The following FBXO8 variants were observed in gnomAD, a reference collection of about 807,000 sequenced individuals.
The protein encoded by FBXO8 is F-box protein 8.
In FBXO8, 15 loss-of-function variants were observed where a neutral mutation model predicts 33.4. That is an observed-to-expected ratio of 0.45 (90% CI 0.30 to 0.69). FBXO8 has a LOEUF of 0.69. Among genes scored for constraint, FBXO8 ranks in the 30% least tolerant of loss-of-function variants. The probability of loss-of-function intolerance (pLI) is 0.08; values close to 1 mark genes in which losing one functional copy is unlikely to be tolerated. For missense variants in FBXO8, 274 were observed against 380.3 expected (o/e 0.72, Z 2.32); for synonymous variants, 132 against 131.5 (o/e 1.00, Z -0.02).
Position 174,257,387 on chromosome 4 carries a change from A to G in FBXO8, c.456+2312T>C, listed in dbSNP as rs79029085. 3.3e-3 allele frequency among the ~76,000 whole-genome samples: 500 copies of G among 152,294 alleles called. No homozygotes were observed. Among genetic ancestry groups the G allele is most frequent in the African/African-American group, 0.012 (485 of 41,568 alleles). ...ATCCAACTTTTCTGACTCTGTAACAATCTACAACTTAGTACTTACCAGGTT... is the reference window on the plus strand; with the variant it reads ...ATCCAACTTTTCTGACTCTGTAACAGTCTACAACTTAGTACTTACCAGGTT... On this transcript the variant is annotated intron_variant, in intron 3 of 5. Coordinates refer to ENST00000393674, the MANE Select transcript of FBXO8 (RefSeq NM_012180.3). The surrounding 1 kb of genome is among the most constrained non-coding windows in gnomAD (Gnocchi z 4.3).
intron 1 of FBXO8, among the ~76,000 whole-genome samples, chr4:174,279,499 A>G (rs1411536693): frequency 6.6e-6 from 1 of 152,156 alleles, no homozygotes; most frequent in African/African-American, 2.4e-5. Context: ...TTAATAGAAA[A>G]AAATTCTAAA....
chr4:174,269,436 A>G (rs1435797401), intron 1 of FBXO8, among the ~76,000 whole-genome samples: 1 of 152,140 alleles, frequency 6.6e-6, no homozygotes, highest in Non-Finnish European at 1.5e-5. Context: ...CTGTAATCTC[A>G]GCACTTTGGG....
At chr4:174,271,170 T>C (rs985840701) in intron 1 of FBXO8, among the ~76,000 whole-genome samples, 3 of 152,092 alleles carry the variant, frequency 2.0e-5, no homozygotes, top group African/African-American at 4.8e-5. Context: ...TTCATGAACA[T>C]GAGATTTCAA....
At position 174,275,215 on chromosome 4, in the gene FBXO8, G is replaced by A. The variant is rs1023698384; in HGVS notation, c.-9+8195C>T. Among the ~76,000 whole-genome samples the A allele has an allele frequency of 7.2e-5, 11 of 152,186 alleles. No individual in the cohort carries two copies. Among genetic ancestry groups the A allele is most frequent in the African/African-American group, 2.4e-4 (10 of 41,446 alleles). On this transcript the variant is annotated intron_variant, in intron 1 of 5. Coordinates refer to ENST00000393674, the MANE Select transcript of FBXO8 (RefSeq NM_012180.3). The surrounding 1 kb of genome is among the most constrained non-coding windows in gnomAD (Gnocchi z 4.4). ...GTAAGATGGTCAACATCATTAGCCA[G>A]GAGAGAGGTGCGTACGGTTATAAAA... is the stretch of plus-strand genomic sequence containing the variant.
chr4:174,239,819 T>A (rs912958887), intron 4 of FBXO8, among the ~76,000 whole-genome samples: 66 of 150,568 alleles, frequency 4.4e-4, no homozygotes, highest in Non-Finnish European at 3.0e-4. Flanking sequence ...TATATGTGTG[T>A]GTATATCTAA....
At chr4:174,238,128 G>A (rs975301089) in intron 5 of FBXO8, among the ~76,000 whole-genome samples, 41 of 151,890 alleles carry the variant, frequency 2.7e-4, no homozygotes, top group African/African-American at 9.4e-4. Context: ...TAACTCAAAA[G>A]ATTATTAATA....
In FBXO8 at chr4:174,270,327, T is replaced by C. The variant is rs1279266560; in HGVS notation, c.-8-7227A>G. On this transcript the variant is annotated intron_variant, in intron 1 of 5. Transcript: ENST00000393674. This position sits in a 1 kb window ranked among gnomAD's most constrained non-coding sequence, Gnocchi z 4.6. ...ACGTAAATGGAAAGTAACATGATTT[T>C]AGGAAGAGTCCAGCATTATTAAAAA... 6.6e-6 allele frequency among the ~76,000 whole-genome samples: 1 copy of C among 152,190 alleles called. No homozygotes were observed. The highest frequency in any genetic ancestry group is 1.5e-5 in the Non-Finnish European group (1 of 68,028).
rs937093385 is a variant in FBXO8, at chr4:174,254,362, A to T, written c.456+5337T>A. On this transcript the variant is annotated intron_variant, in intron 3 of 5. Transcript: ENST00000393674. This position sits in a 1 kb window ranked among gnomAD's most constrained non-coding sequence, Gnocchi z 4.2. The stretch of plus-strand genomic sequence containing the variant: ...CACTTTCAGTAGAAAGATAAAGCCA[A>T]ATTTCTAGATGTATAGAACTAAGGA... Among the ~76,000 whole-genome samples the T allele has an allele frequency of 2.6e-5, 4 of 152,198 alleles. No individual in the cohort carries two copies. Among genetic ancestry groups the T allele is most frequent in the Non-Finnish European group, 5.9e-5 (4 of 68,036 alleles).
chr4:174,241,284 C>T lies in FBXO8; in HGVS notation c.457-66G>A, dbSNP rs1054528013. On this transcript the variant is annotated intron_variant, in intron 3 of 5. Transcript: ENST00000393674. The surrounding 1 kb of genome is among the most constrained non-coding windows in gnomAD (Gnocchi z 4.2). ...TTATTTATGCATTTTAACAATTAAG[C>T]AATAGCACAACAGTAGCTATAAATT... 7.9e-6 allele frequency: 7 copies of T among 886,108 alleles called. No homozygotes were observed. Among genetic ancestry groups the T allele is most frequent in the Non-Finnish European group, 3.6e-6 (2 of 554,650 alleles). The allele number at this position is 886,108 out of a possible 1,614,324, so 54.9% of individuals were successfully genotyped here.
In FBXO8 at chr4:174,241,190, A is replaced by G. The variant is rs1736026409; in HGVS notation, c.485T>C (p.Ile162Thr). 1 of 1,609,312 alleles carries G rather than the reference A, an allele frequency of 6.2e-7. No homozygotes were observed. Among genetic ancestry groups the G allele is most frequent in the Admixed American group, 1.7e-5 (1 of 59,732 alleles). ...EGVNYFMSKG[I>T]LDDSPKEIAK... ...TATTTCCTTTGGCGAATCATCCAGG[A>G]TACCCTTGGACATAAAGTAGTTCAC... The change falls in exon 4 of 6, where the codon ATC becomes ACC. Residue 162 changes from isoleucine (I) to threonine (T), a missense_variant. Around this residue, in one of 2 missense-constraint regions of FBXO8, gnomAD observed 186 missense variants for 293.4 expected, o/e 0.63. Coordinates refer to ENST00000393674, the MANE Select transcript of FBXO8 (RefSeq NM_012180.3). The surrounding 1 kb of genome is among the most constrained non-coding windows in gnomAD (Gnocchi z 4.2).
chr4:174,239,192 T>A lies in FBXO8; in HGVS notation c.576-2A>T, dbSNP rs1393792882. 2.6e-6 allele frequency: 4 copies of A among 1,510,418 alleles called. No individual in the cohort carries two copies. Among genetic ancestry groups the A allele is most frequent in the Admixed American group, 4.4e-5 (2 of 45,668 alleles). 93.6% of individuals were successfully genotyped at this position (1,510,418 alleles called of 1,614,324 possible). On this transcript the variant is annotated splice_acceptor_variant, in intron 4 of 5. Coordinates refer to ENST00000393674, the MANE Select transcript of FBXO8 (RefSeq NM_012180.3). LOFTEE classifies it high-confidence loss of function. ...ACAAGGTCATCCAAGACATCTCTCC[T>A]ACAGAAAGAAAAAAAGGCACAGCTT...
Position 174,255,287 on chromosome 4 carries a change from T to C in FBXO8, c.456+4412A>G, listed in dbSNP as rs1483251629. 6.6e-6 allele frequency among the ~76,000 whole-genome samples: 1 copy of C among 152,174 alleles called. No individual in the cohort carries two copies. The highest frequency in any genetic ancestry group is 1.5e-5 in the Non-Finnish European group (1 of 68,014). The stretch of plus-strand genomic sequence containing the variant: ...AGTAATGGTAATGACGATTTTGTTG[T>C]TGAATACTGGAGCAAAAAGTCATTA... On this transcript the variant is annotated intron_variant, in intron 3 of 5. Coordinates refer to ENST00000393674, the MANE Select transcript of FBXO8 (RefSeq NM_012180.3). This position sits in a 1 kb window ranked among gnomAD's most constrained non-coding sequence, Gnocchi z 4.3.
At chr4:174,282,353 G>A (rs1382004512) in intron 1 of FBXO8, among the ~76,000 whole-genome samples, 1 of 152,136 alleles carries the variant, frequency 6.6e-6, no homozygotes, top group African/African-American at 2.4e-5. Context: ...AATTCCTGAT[G>A]TACAGAAACT....
rs1338442796 is a variant in FBXO8 at position 174,270,227 on chromosome 4, T to C, written c.-8-7127A>G. Among the ~76,000 whole-genome samples, 1 of 152,214 alleles carries C rather than the reference T, an allele frequency of 6.6e-6. No individual in the cohort carries two copies. The highest frequency in any genetic ancestry group is 1.5e-5 in the Non-Finnish European group (1 of 68,028). The stretch of plus-strand genomic sequence containing the variant: ...TATAAGAATTTCATATTTTGGTTTA[T>C]TATCATAGCTTACATTTCAAACTTA... On this transcript the variant is annotated intron_variant, in intron 1 of 5. Transcript: ENST00000393674. The surrounding 1 kb of genome is among the most constrained non-coding windows in gnomAD (Gnocchi z 4.6).
At chr4:174,273,244 A>G (rs1001732759) in intron 1 of FBXO8, among the ~76,000 whole-genome samples, 1 of 151,806 alleles carries the variant, frequency 6.6e-6, no homozygotes, top group African/African-American at 2.4e-5. Flanking sequence ...CTAAGATTAC[A>G]CTACTGCACT....
Position 174,245,954 on chromosome 4 carries a change from G to T in FBXO8, c.457-4736C>A, listed in dbSNP as rs961020165. Among the ~76,000 whole-genome samples the T allele has an allele frequency of 6.6e-6, 1 of 151,900 alleles. No homozygotes were observed. The highest frequency in any genetic ancestry group is 2.4e-5 in the African/African-American group (1 of 41,372). ...GTGTTGATTTGAAGAAAACAGTGAT[G>T]AGTTAGCTTTTAGACATGTTGAATT... On this transcript the variant is annotated intron_variant, in intron 3 of 5. Transcript: ENST00000393674. This position sits in a 1 kb window ranked among gnomAD's most constrained non-coding sequence, Gnocchi z 4.6.
rs980019044 is a variant in FBXO8 at position 174,253,014 on chromosome 4, T to G, written c.456+6685A>C. On this transcript the variant is annotated intron_variant, in intron 3 of 5. Transcript: ENST00000393674. This position sits in a 1 kb window ranked among gnomAD's most constrained non-coding sequence, Gnocchi z 4.5. ...AAAAAATCTTTCTCTATACACATAT[T>G]TTCCAACCTCATGAGTCAAGAGATA... is the stretch of plus-strand genomic sequence containing the variant. Among the ~76,000 whole-genome samples, 1 of 152,072 alleles carries G rather than the reference T, an allele frequency of 6.6e-6. No individual in the cohort carries two copies. The highest frequency in any genetic ancestry group is 2.4e-5 in the African/African-American group (1 of 41,414).
rs1735916733 is a variant in FBXO8 at position 174,237,619 on chromosome 4, G to A, written c.773-20C>T. On this transcript the variant is annotated intron_variant, in intron 5 of 5. Transcript: ENST00000393674. This position sits in a 1 kb window ranked among gnomAD's most constrained non-coding sequence, Gnocchi z 4.4. ...CAGCATCTGGAAAGAAAAAGAAACA[G>A]TTCAAATTATTAGTTGGTTTACAAA... 1 of 1,570,276 alleles carries A rather than the reference G, an allele frequency of 6.4e-7. No homozygotes were observed. Among genetic ancestry groups the A allele is most frequent in the Non-Finnish European group, 8.7e-7 (1 of 1,153,042 alleles).
At chr4:174,248,453 G>C (rs1470051317) in intron 3 of FBXO8, among the ~76,000 whole-genome samples, 3 of 152,000 alleles carry the variant, frequency 2.0e-5, no homozygotes, top group Non-Finnish European at 4.4e-5. Flanking sequence ...AGAGGAAAGG[G>C]GGCAGTGAAA....
Sources: gnomAD v4.1 joint callset for allele counts (sites outside exome capture counted in the v4.1 genomes callset) on GRCh38, gnomAD v4.1.1 for gene constraint, gnomAD v4.1.1 regional missense constraint, Gnocchi (gnomAD v3.1) non-coding constraint, MANE v1.5 for transcripts, NCBI Gene and HGNC (gene_info 2026-07-23, HGNC 2026-07-21) for gene names.